Variants in BNC2 observed in about 807,000 individuals in gnomAD.
The protein encoded by BNC2 is zinc finger protein basonuclin-2.
BNC2 carries 20 observed loss-of-function variants against 76.3 expected under a neutral mutation model. That is an observed-to-expected ratio of 0.26 (90% CI 0.18 to 0.38). The LOEUF (loss-of-function observed/expected upper bound fraction) is 0.38, where lower values mean the gene tolerates loss of function less well. Among genes scored for constraint, BNC2 ranks in the 10% least tolerant of loss-of-function variants. BNC2 has a pLI of 1.00. For synonymous variants in BNC2, 582 were observed against 514.8 expected (o/e 1.13, Z -1.77); for missense variants, 1,382 against 1,399.8 (o/e 0.99, Z 0.20).
At chr9:16,614,246 T>C (rs1820632418) in intron 3 of BNC2, among the ~76,000 whole-genome samples, 1 of 152,146 alleles carries the variant, frequency 6.6e-6, no homozygotes, top group Middle Eastern at 3.2e-3. Flanking sequence ...AGTTGGCCAT[T>C]GGCCAAAACT....
Position 16,614,857 on chromosome 9 carries a change from G to A in BNC2, c.331-31772C>T, listed in dbSNP as rs759226311. Among the ~76,000 whole-genome samples, 8 of 151,818 alleles carry A rather than the reference G, an allele frequency of 5.3e-5. No homozygotes were observed. In the East Asian group the frequency reaches 9.7e-4, roughly 18 times the overall value. ...TGTGGCCCCAACTACTTGGGAAGTCGAGGTGGAAAGATTACTTGATCTCTG... is the reference window on the plus strand; with the variant it reads ...TGTGGCCCCAACTACTTGGGAAGTCAAGGTGGAAAGATTACTTGATCTCTG... On this transcript the variant is annotated intron_variant, in intron 3 of 6. Coordinates refer to ENST00000380672, the MANE Select transcript of BNC2 (RefSeq NM_017637.6).
chr9:16,760,381 T>G (rs1465129446), intron 1 of BNC2, among the ~76,000 whole-genome samples: 9 of 152,114 alleles, frequency 5.9e-5, no homozygotes. Flanking sequence ...GTGAAAAAAT[T>G]TAGATATTAC....
intron 3 of BNC2, among the ~76,000 whole-genome samples, chr9:16,661,464 G>C (rs1356793948): frequency 6.7e-6 from 1 of 149,056 alleles, no homozygotes; most frequent in Non-Finnish European, 1.5e-5. Context: ...GTTCCCCAGA[G>C]ATGAAAACAA....
intron 5 of BNC2, among the ~76,000 whole-genome samples, chr9:16,549,144 G>T (rs972209890): frequency 6.6e-6 from 1 of 152,112 alleles, no homozygotes; most frequent in Non-Finnish European, 1.5e-5. Context: ...TTCAAAATCA[G>T]ATCAGACAAC....
At chr9:16,560,914 A>T (rs527777570) in intron 4 of BNC2, among the ~76,000 whole-genome samples, 1 of 152,216 alleles carries the variant, frequency 6.6e-6, no homozygotes. Context: ...CCAACGCAGG[A>T]AAGTTCAGAA....
chr9:16,759,880 C>T (rs1203378096), intron 1 of BNC2, among the ~76,000 whole-genome samples: 4 of 152,080 alleles, frequency 2.6e-5, no homozygotes, highest in East Asian at 1.9e-4. Flanking sequence ...CCTGCCACCA[C>T]GCCCGGCTAA....
chr9:16,513,208 T>C (rs1241985626), intron 5 of BNC2, among the ~76,000 whole-genome samples: 1 of 152,140 alleles, frequency 6.6e-6, no homozygotes, highest in Non-Finnish European at 1.5e-5. Flanking sequence ...TATAGAATGT[T>C]ATTTATTACT....
At chr9:16,769,862 G>A (rs1825789482) in intron 1 of BNC2, among the ~76,000 whole-genome samples, 1 of 152,168 alleles carries the variant, frequency 6.6e-6, no homozygotes, top group Non-Finnish European at 1.5e-5. Context: ...CCCTGATGCT[G>A]TGAAGTATAG....
intron 1 of BNC2, among the ~76,000 whole-genome samples, chr9:16,849,093 G>A (rs897828145): frequency 6.6e-6 from 1 of 152,104 alleles, no homozygotes; most frequent in African/African-American, 2.4e-5. Flanking sequence ...AACACAGGTT[G>A]TTCTAGCTTT....
rs931003733 is a variant in BNC2 at position 16,413,873 on chromosome 9, TTTG to T, written c.*5113_*5115del. ...GCCTAGTATTAATTACAATCATGGC[TTTG>T]TTGTGTTGCTACAGTGGCAAGCATG... is the stretch of plus-strand genomic sequence containing the variant. On this transcript the variant is annotated 3_prime_UTR_variant, in exon 7 of 7. Coordinates refer to ENST00000380672, the MANE Select transcript of BNC2 (RefSeq NM_017637.6). 4 of 152,206 alleles carry T rather than the reference TTTG, an allele frequency of 2.6e-5. No individual in the cohort carries two copies. Among genetic ancestry groups the T allele is most frequent in the African/African-American group, 9.7e-5 (4 of 41,444 alleles). 9.4% of individuals were successfully genotyped at this position (152,206 alleles called of 1,614,324 possible). A position where few individuals can be genotyped will look rare whatever the true frequency, so the allele number is the denominator to read the frequency against.
chr9:16,508,886 A>C (rs1822692123), intron 5 of BNC2, among the ~76,000 whole-genome samples: 1 of 150,764 alleles, frequency 6.6e-6, no homozygotes, highest in East Asian at 2.0e-4. Context: ...GCAGTGGCAC[A>C]ATTAGCTCAT....
intron 3 of BNC2, among the ~76,000 whole-genome samples, chr9:16,637,879 T>G (rs1821373479): frequency 6.6e-6 from 1 of 152,220 alleles, no homozygotes; most frequent in Admixed American, 6.5e-5. Flanking sequence ...AACAGTATTG[T>G]GGTGTAATAT....
intron 5 of BNC2, among the ~76,000 whole-genome samples, chr9:16,484,250 T>C (rs765708236): frequency 2.0e-5 from 3 of 152,158 alleles, no homozygotes; most frequent in Non-Finnish European, 4.4e-5. Flanking sequence ...TGTAGGGATG[T>C]GACAGAATGT....
At chr9:16,687,272 T>C (rs894508628) in intron 3 of BNC2, among the ~76,000 whole-genome samples, 1 of 152,118 alleles carries the variant, frequency 6.6e-6, no homozygotes, top group Non-Finnish European at 1.5e-5. Flanking sequence ...TGATGTTTCA[T>C]ATGAAAGAAA....
chr9:16,545,317 T>C (rs1339635627), intron 5 of BNC2, among the ~76,000 whole-genome samples: 1 of 152,222 alleles, frequency 6.6e-6, no homozygotes, highest in Non-Finnish European at 1.5e-5. Flanking sequence ...TGTATCATCA[T>C]CTTTTTCACT....
rs10962539 is a variant in BNC2, at chr9:16,680,298, A to G, written c.330+47499T>C. 2.5e-4 allele frequency among the ~76,000 whole-genome samples: 38 copies of G among 152,194 alleles called. No homozygotes were observed. In the East Asian group the frequency reaches 6.8e-3, roughly 27 times the overall value. On this transcript the variant is annotated intron_variant, in intron 3 of 6. Transcript: ENST00000380672. ...GAAAAACAGGCTTCACACTTTTTCT[A>G]TGTTGATTCTGATGTGGGTATAATC...
chr9:16,712,616 GAC>G (rs1039029597), intron 3 of BNC2, among the ~76,000 whole-genome samples: 1 of 152,078 alleles, frequency 6.6e-6, no homozygotes, highest in Non-Finnish European at 1.5e-5. Context: ...CAACACAACG[GAC>G]ACACACACTG....
chr9:16,565,038 A>G (rs928526257), intron 4 of BNC2, among the ~76,000 whole-genome samples: 3 of 152,096 alleles, frequency 2.0e-5, no homozygotes, highest in African/African-American at 7.2e-5. Flanking sequence ...TTTCTAGTCT[A>G]ATTTATACCA....
intron 6 of BNC2, chr9:16,421,131 T>C (rs910261436): frequency 5.7e-6 from 2 of 353,374 alleles, no homozygotes; most frequent in African/African-American, 2.1e-5. Flanking sequence ...TTGAGAGGTA[T>C]GTGCCTCAGA....
Sources: gnomAD v4.1 joint callset for allele counts (sites outside exome capture counted in the v4.1 genomes callset) on GRCh38, gnomAD v4.1.1 for gene constraint, MANE v1.5 for transcripts, NCBI Gene and HGNC (gene_info 2026-07-23, HGNC 2026-07-21) for gene names.